EML1: variants seen among roughly 807,000 people sequenced by gnomAD.
EML1 encodes EMAP like 1, also known as echinoderm microtubule-associated protein-like 1.
In EML1, 27 loss-of-function variants were observed where a neutral mutation model predicts 110.4. The ratio of observed to expected loss-of-function variants is 0.24; its 90% CI spans 0.18 to 0.34. The LOEUF is 0.34. Ranked by LOEUF, EML1 falls within the 10% of genes least tolerant of loss-of-function variation. The probability of loss-of-function intolerance (pLI) is 1.00; values close to 1 mark genes in which losing one functional copy is unlikely to be tolerated. For missense variants in EML1, 741 were observed against 1,030.9 expected (o/e 0.72, Z 3.85); for synonymous variants, 344 against 385.8 (o/e 0.89, Z 1.27).
intron 1 of EML1, among the ~76,000 whole-genome samples, chr14:99,845,921 G>A (rs1274490459): frequency 6.6e-6 from 1 of 151,746 alleles, no homozygotes; most frequent in Non-Finnish European, 1.5e-5. Flanking sequence ...TTGGTGGCAG[G>A]TGCCTGTAAT....
At chr14:99,877,644 A>C (rs1406462462) in intron 3 of EML1, among the ~76,000 whole-genome samples, 1 of 152,122 alleles carries the variant, frequency 6.6e-6, no homozygotes, top group African/African-American at 2.4e-5. Flanking sequence ...CCTCCAAACA[A>C]AGGCATTGTA....
At position 99,807,034 on chromosome 14, in the gene EML1, A is replaced by G. The variant is rs112235805; in HGVS notation, c.67+13491A>G. On this transcript the variant is annotated intron_variant, in intron 1 of 21. Coordinates refer to ENST00000262233, the MANE Select transcript of EML1 (RefSeq NM_004434.3). Reference sequence around the variant, plus strand: ...TCTGAGTTTTTGTTTTTTTTTAAGGATTGCTTTTGTACGTTTGGCACCGTT... The same window carrying G: ...TCTGAGTTTTTGTTTTTTTTTAAGGGTTGCTTTTGTACGTTTGGCACCGTT... Among the ~76,000 whole-genome samples the G allele has an allele frequency of 3.0e-3, 461 of 151,958 alleles. 2 individuals carry two copies. Among genetic ancestry groups the G allele is most frequent in the African/African-American group, 0.011 (449 of 41,442 alleles).
chr14:99,889,852 T>C (rs1311516010), intron 4 of EML1, among the ~76,000 whole-genome samples: 2 of 152,170 alleles, frequency 1.3e-5, no homozygotes, highest in East Asian at 3.8e-4. Context: ...TCAATGACCA[T>C]AGTTTAGAGT....
chr14:99,813,816 A>G (rs986072437), intron 1 of EML1, among the ~76,000 whole-genome samples: 9 of 152,186 alleles, frequency 5.9e-5, no homozygotes, highest in Non-Finnish European at 1.3e-4. Context: ...CATCAACTCA[A>G]TTGGAATTGA....
chr14:99,751,236 C>A (rs2057171476), intron 1 of EML1, among the ~76,000 whole-genome samples: 1 of 151,860 alleles, frequency 6.6e-6, no homozygotes, highest in South Asian at 2.1e-4. Context: ...CCCCGTGTGC[C>A]ATGTACTGTG....
chr14:99,791,721 C>T (rs1429548103), upstream of EML1, among the ~76,000 whole-genome samples: 1 of 152,202 alleles, frequency 6.6e-6, no homozygotes, highest in African/African-American at 2.4e-5. Context: ...GCCCAGTCGG[C>T]AGGCAGACCC....
At chr14:99,875,857 T>C (rs2059282078) in intron 3 of EML1, among the ~76,000 whole-genome samples, 1 of 152,234 alleles carries the variant, frequency 6.6e-6, no homozygotes, top group Admixed American at 6.5e-5. Flanking sequence ...TGTAATTTCC[T>C]TGTCCCCAAA....
chr14:99,749,045 C>T (rs893524431), intron 1 of EML1, among the ~76,000 whole-genome samples: 9 of 152,322 alleles, frequency 5.9e-5, no homozygotes, highest in African/African-American at 2.2e-4. Flanking sequence ...CCATGTTTCA[C>T]TCGTCTGTTC....
At chr14:99,777,167 A>G (rs1465389776) in intron 1 of EML1, among the ~76,000 whole-genome samples, 1 of 152,158 alleles carries the variant, frequency 6.6e-6, no homozygotes, top group African/African-American at 2.4e-5. Flanking sequence ...AAATAAATAA[A>G]TGGGAGCTCA....
chr14:99,934,459 G>C (rs965005949), intron 17 of EML1, among the ~76,000 whole-genome samples: 2 of 152,264 alleles, frequency 1.3e-5, no homozygotes, highest in African/African-American at 4.8e-5. Context: ...TGAGGCGCCA[G>C]GCCACCCTGG....
rs766598684 is a variant in EML1 at position 99,784,728 on chromosome 14, T to C, written c.-27+10715T>C. On this transcript the variant is annotated intron_variant, in intron 1 of 22. Transcript: ENST00000327921. The surrounding 1 kb of genome is among the most constrained non-coding windows in gnomAD (Gnocchi z 4.5). ...CCCATTCCAGCCCATCCAGGCCGGA[T>C]GACACACGGGAAAACAAGGAGCTGG... Among the ~76,000 whole-genome samples, 3 of 152,232 alleles carry C rather than the reference T, an allele frequency of 2.0e-5. No individual in the cohort carries two copies. Among genetic ancestry groups the C allele is most frequent in the Admixed American group, 1.3e-4 (2 of 15,290 alleles).
intron 1 of EML1, among the ~76,000 whole-genome samples, chr14:99,806,938 A>G (rs941870899): frequency 6.6e-6 from 1 of 152,230 alleles, no homozygotes; most frequent in Non-Finnish European, 1.5e-5. Flanking sequence ...TTAGCTAAGA[A>G]TCTAAGAAGA....
chr14:99,887,841 C>T (rs2059508742), intron 4 of EML1, among the ~76,000 whole-genome samples: 1 of 152,186 alleles, frequency 6.6e-6, no homozygotes, highest in Admixed American at 6.5e-5. Context: ...TCAATGTTCT[C>T]TTCTGGTTAT....
At chr14:99,791,181 G>A (rs2057666299), upstream of EML1, among the ~76,000 whole-genome samples, 1 of 152,132 alleles carries the variant, frequency 6.6e-6, no homozygotes, top group Non-Finnish European at 1.5e-5. Context: ...GTGTTCTAAC[G>A]TGCATGTACC....
At chr14:99,809,054 A>G (rs995193358) in intron 1 of EML1, among the ~76,000 whole-genome samples, 2 of 152,198 alleles carry the variant, frequency 1.3e-5, no homozygotes, top group Non-Finnish European at 2.9e-5. Context: ...AACTATACCA[A>G]GTGGCTTTCT....
intron 1 of EML1, among the ~76,000 whole-genome samples, chr14:99,841,264 G>A (rs955250829): frequency 6.6e-6 from 1 of 152,208 alleles, no homozygotes; most frequent in Non-Finnish European, 1.5e-5. Context: ...AATAATTATT[G>A]TTAATCGTTG....
Position 99,936,221 on chromosome 14 carries a change from A to T in EML1, c.2008-26A>T. 6.2e-7 allele frequency: 1 copy of T among 1,613,596 alleles called. No homozygotes were observed. The highest frequency in any genetic ancestry group is 1.1e-5 in the South Asian group (1 of 91,074). On this transcript the variant is annotated intron_variant, in intron 18 of 21. Coordinates refer to ENST00000262233, the MANE Select transcript of EML1 (RefSeq NM_004434.3). This position sits in a 1 kb window ranked among gnomAD's most constrained non-coding sequence, Gnocchi z 5.5. Reference sequence around the variant, plus strand: ...GGCAGGGACTTCTAAGGCCAATGAAATGAAGACAGTGTTTTACCCTCCCAG... The same window carrying T: ...GGCAGGGACTTCTAAGGCCAATGAATTGAAGACAGTGTTTTACCCTCCCAG...
rs763085784 is a variant in EML1 at position 99,939,175 on chromosome 14, C to T, written c.2192-22C>T. ...TGTGGCCCCTGGTGTTTCCAGCGCC[C>T]TGTTTGTGGTCTTTGTTTTAGGAGT... On this transcript the variant is annotated intron_variant, in intron 20 of 21. Transcript: ENST00000262233. The surrounding 1 kb of genome is among the most constrained non-coding windows in gnomAD (Gnocchi z 4.2). The T allele has an allele frequency of 1.2e-6, 2 of 1,613,292 alleles. No homozygotes were observed. The highest frequency in any genetic ancestry group is 1.7e-6 in the Non-Finnish European group (2 of 1,179,498).
chr14:99,754,915 G>A (rs535628511), intron 1 of EML1, among the ~76,000 whole-genome samples: 24 of 152,308 alleles, frequency 1.6e-4, no homozygotes, highest in South Asian at 4.1e-4. Context: ...CCTGCCTCTC[G>A]TGTCCATGCA....
Sources: allele counts gnomAD v4.1 joint callset (sites outside exome capture counted in the v4.1 genomes callset), GRCh38; gene constraint gnomAD v4.1.1; non-coding constraint Gnocchi (gnomAD v3.1); transcripts MANE v1.5; gene names NCBI Gene and HGNC (gene_info 2026-07-23, HGNC 2026-07-21).